The following FGD4 variants were observed in gnomAD, a reference collection of about 807,000 sequenced individuals.
FGD4 encodes FYVE, RhoGEF and PH domain-containing protein 4.
A neutral mutation model predicts 102.0 loss-of-function variants in FGD4; 42 were observed. That is an observed-to-expected ratio of 0.41 (90% CI 0.32 to 0.53). The LOEUF is 0.53. FGD4 is among the 20% of genes least tolerant of loss of function. FGD4 has a pLI of 0.21. For missense variants in FGD4, 902 were observed against 1,078.2 expected, an observed-to-expected ratio of 0.84 and a Z score of 2.29; for synonymous variants, 380 against 375.7, an observed-to-expected ratio of 1.01 and a Z score of -0.13.
intron 5 of FGD4, chr12:32,600,394 CT>C (rs1948301971): frequency 2.4e-6 from 3 of 1,245,052 alleles, no homozygotes; most frequent in Non-Finnish European, 3.2e-6. Flanking sequence ...ATTTTTTGTT[CT>C]TTTTGCCTCT....
At chr12:32,543,001 G>C (rs181211003) in intron 1 of FGD4, among the ~76,000 whole-genome samples, 6 of 152,070 alleles carry the variant, frequency 3.9e-5, no homozygotes, top group African/African-American at 1.4e-4. Context: ...TAGGTGAAAC[G>C]CTGAGTCCCA....
At position 32,601,399 on chromosome 12, in the gene FGD4, A is replaced by C; in HGVS notation, c.1223A>C (p.Glu408Ala). Residue 408 changes from glutamate to alanine, a missense_variant, in exon 6 of 17, where the codon GAG becomes GCG. Glu to Ala is a moderately radical substitution (Grantham distance 107, BLOSUM62 -1). Coordinates refer to ENST00000534526, the MANE Select transcript of FGD4 (RefSeq NM_001370298.3). Reference sequence around the variant, plus strand: ...TTCCATAGTAAATTCCTCTTGCCAGAGCTGGAGAAACGAATGCAAGAATGG... The same window carrying C: ...TTCCATAGTAAATTCCTCTTGCCAGCGCTGGAGAAACGAATGCAAGAATGG... The part of the protein sequence containing the change: ...NAFHSKFLLP[E>A]LEKRMQEWET... 6.2e-7 allele frequency: 1 copy of C among 1,614,004 alleles called. No individual in the cohort carries two copies. The highest frequency in any genetic ancestry group is 1.3e-5 in the African/African-American group (1 of 75,044).
intron 1 of FGD4, among the ~76,000 whole-genome samples, chr12:32,441,380 G>A (rs1355862690): frequency 6.6e-6 from 1 of 151,886 alleles, no homozygotes; most frequent in Admixed American, 6.6e-5. Context: ...GCCAGGACTG[G>A]GTCCTTTCCT....
chr12:32,526,673 A>G (rs10771963), intron 1 of FGD4, among the ~76,000 whole-genome samples: 1 of 151,964 alleles, frequency 6.6e-6, no homozygotes, highest in South Asian at 2.1e-4. Flanking sequence ...TTCTTTCGCT[A>G]TTTGCGATAA....
At chr12:32,413,908 T>TG (rs1301881579) in intron 1 of FGD4, among the ~76,000 whole-genome samples, 2 of 151,876 alleles carry the variant, frequency 1.3e-5, no homozygotes, top group Admixed American at 1.3e-4. Flanking sequence ...AGCCTCATCT[T>TG]GTACTTTTGG....
intron 1 of FGD4, among the ~76,000 whole-genome samples, chr12:32,528,967 T>C (rs1941528093): frequency 6.6e-6 from 1 of 152,178 alleles, no homozygotes. Context: ...TTAATATAAA[T>C]AGATGTTCAA....
chr12:32,589,670 G>A (rs546612805), intron 4 of FGD4, among the ~76,000 whole-genome samples: 1 of 152,230 alleles, frequency 6.6e-6, no homozygotes, highest in African/African-American at 2.4e-5. Flanking sequence ...CTTACTTCCT[G>A]TCTGATCTTG....
intron 1 of FGD4, among the ~76,000 whole-genome samples, chr12:32,421,011 G>A (rs1405363950): frequency 6.6e-6 from 1 of 152,102 alleles, no homozygotes; most frequent in East Asian, 1.9e-4. Context: ...TTCTGCCTTG[G>A]CCTCTCAAAG....
chr12:32,608,611 CTTA>C lies in FGD4; in HGVS notation c.1543+519_1543+521del, dbSNP rs138064533. Among the ~76,000 whole-genome samples the C allele has an allele frequency of 4.8e-3, 724 of 152,186 alleles. 4 individuals carry two copies. Among genetic ancestry groups the C allele is most frequent in the African/African-American group, 0.016 (667 of 41,532 alleles). ...AATGTATTTCAATTATGTTAGATGTCTTATTTTTTCATCAGATTATAATGAAAG... is the reference window on the plus strand; with the variant it reads ...AATGTATTTCAATTATGTTAGATGTCTTTTTTCATCAGATTATAATGAAAG... On this transcript the variant is annotated intron_variant, in intron 8 of 16. Transcript: ENST00000534526.
At chr12:32,401,136 TCTTC>T (rs1315748884) in intron 1 of FGD4, among the ~76,000 whole-genome samples, 3 of 152,250 alleles carry the variant, frequency 2.0e-5, no homozygotes. Flanking sequence ...GAGGGTGTTT[TCTTC>T]CTTATCAAAT....
intron 4 of FGD4, chr12:32,582,794 G>A (rs538136899): frequency 3.3e-4 from 110 of 336,936 alleles, no homozygotes; most frequent in African/African-American, 2.2e-3. Context: ...TGTTGGTGCT[G>A]TATCCCTAAT....
intron 1 of FGD4, among the ~76,000 whole-genome samples, chr12:32,473,379 C>A (rs1266599662): frequency 3.3e-5 from 5 of 152,110 alleles, no homozygotes. Context: ...TGCAGCTTCA[C>A]TCCTGAGTCC....
At chr12:32,618,889 C>T (rs1305573097) in intron 10 of FGD4, among the ~76,000 whole-genome samples, 1 of 152,110 alleles carries the variant, frequency 6.6e-6, no homozygotes, top group Non-Finnish European at 1.5e-5. Flanking sequence ...TGACTTGAAC[C>T]CAGAAGTTAA....
At chr12:32,621,635 G>T (rs140895318) in intron 11 of FGD4, among the ~76,000 whole-genome samples, 1 of 152,328 alleles carries the variant, frequency 6.6e-6, no homozygotes, top group East Asian at 1.9e-4. Flanking sequence ...ATGTGGGCAG[G>T]CTGGGAAAGT....
Position 32,492,771 on chromosome 12 carries a change from GTTAT to G in FGD4, c.167-71363_167-71360del, listed in dbSNP as rs537266241. ...ATAAGCTACGTTGGTTATATTTTTG[GTTAT>G]TTCTCTTATTTTTTTTTGGTATAAA... On this transcript the variant is annotated intron_variant, in intron 1 of 16. Coordinates refer to ENST00000534526, the MANE Select transcript of FGD4 (RefSeq NM_001370298.3). Among the ~76,000 whole-genome samples the G allele has an allele frequency of 1.4e-4, 22 of 152,218 alleles. No homozygotes were observed. The South Asian group carries it at 3.5e-3, about 24-fold the overall frequency.
intron 1 of FGD4, among the ~76,000 whole-genome samples, chr12:32,561,707 C>G (rs186444993): frequency 6.6e-6 from 1 of 152,150 alleles, no homozygotes; most frequent in African/African-American, 2.4e-5. Context: ...AGAAGGAAAT[C>G]TAATATGCAT....
intron 10 of FGD4, among the ~76,000 whole-genome samples, chr12:32,613,965 G>A (rs1949300873): frequency 6.6e-6 from 1 of 152,038 alleles, no homozygotes; most frequent in Non-Finnish European, 1.5e-5. Context: ...TTTACAAATG[G>A]GTAACTAATT....
intron 4 of FGD4, among the ~76,000 whole-genome samples, chr12:32,583,603 C>T (rs1286064728): frequency 6.6e-6 from 1 of 152,134 alleles, no homozygotes; most frequent in East Asian, 1.9e-4. Context: ...TCTGTCCTTT[C>T]TAAAGAAGAA....
intron 1 of FGD4, among the ~76,000 whole-genome samples, chr12:32,526,581 G>T (rs917918730): frequency 6.6e-6 from 1 of 152,190 alleles, no homozygotes; most frequent in African/African-American, 2.4e-5. Flanking sequence ...TGTGGGTGGG[G>T]CCAGATAAGA....
Sources: gnomAD v4.1 joint callset for allele counts (sites outside exome capture counted in the v4.1 genomes callset) on GRCh38, gnomAD v4.1.1 for gene constraint, MANE v1.5 for transcripts, NCBI Gene and HGNC (gene_info 2026-07-23, HGNC 2026-07-21) for gene names.